Variants in PRKAR1A observed in about 807,000 individuals in gnomAD.
The protein encoded by PRKAR1A is protein kinase cAMP-dependent type I regulatory subunit alpha.
PRKAR1A carries 3 observed loss-of-function variants against 52.0 expected under a neutral mutation model. That is an observed-to-expected ratio of 0.06 (90% CI 0.03 to 0.15). PRKAR1A has a LOEUF of 0.15. Among genes scored for constraint, PRKAR1A ranks in the 10% least tolerant of loss-of-function variants. The pLI, the probability that PRKAR1A is intolerant of heterozygous loss-of-function variation, is 1.00. For missense variants in PRKAR1A, 240 were observed against 477.4 expected (o/e 0.50, Z 4.63); for synonymous variants, 188 against 168.4 (o/e 1.12, Z -0.90).
chr17:68,487,206 A>G, the PRKAR1A span, among the ~76,000 whole-genome samples: 3 of 152,326 alleles, frequency 2.0e-5, no homozygotes, highest in South Asian at 2.1e-4. Context: ...TCATGTACAC[A>G]CATTGCACAG....
chr17:68,445,808 G>A, the PRKAR1A span, among the ~76,000 whole-genome samples: 1 of 152,226 alleles, frequency 6.6e-6, no homozygotes, highest in Non-Finnish European at 1.5e-5. Context: ...CATCTGAGCA[G>A]CTGCCGACCA....
the PRKAR1A span, among the ~76,000 whole-genome samples, chr17:68,479,138 A>G: frequency 6.6e-6 from 1 of 152,212 alleles, no homozygotes; most frequent in Non-Finnish European, 1.5e-5. Flanking sequence ...TAGTTTCTAC[A>G]TTGTTCTTAT....
At chr17:68,422,658 G>A in the PRKAR1A span, 1 of 150,508 alleles carries the variant, frequency 6.6e-6, no homozygotes. Flanking sequence ...GAACCTAGGA[G>A]GTGGAGGTTG....
At chr17:68,539,307 G>A (rs766545212) in intron 11 of PRKAR1A, 3 of 1,611,962 alleles carry the variant, frequency 1.9e-6, no homozygotes, top group Non-Finnish European at 2.5e-6. Flanking sequence ...ACTGTTACTT[G>A]CCCGTATTAT....
At chr17:68,547,885 T>G (rs1199254307) in intron 11 of PRKAR1A, among the ~76,000 whole-genome samples, 1 of 152,258 alleles carries the variant, frequency 6.6e-6, no homozygotes, top group Non-Finnish European at 1.5e-5. Context: ...GCTTTTGGCT[T>G]ATTGGCTTTC....
chr17:68,540,021 C>T (rs2086218775), intron 11 of PRKAR1A: 3 of 1,514,662 alleles, frequency 2.0e-6, no homozygotes, highest in African/African-American at 1.4e-5. Flanking sequence ...GACAGGTGCT[C>T]CTGACCTGAG....
chr17:68,512,055 G>A (rs751162218), upstream of PRKAR1A: 4 of 153,548 alleles, frequency 2.6e-5, no homozygotes, highest in Non-Finnish European at 5.8e-5. Flanking sequence ...GCGGAGGGAC[G>A]AGAGGGAAGC....
At chr17:68,436,658 T>C in the PRKAR1A span, among the ~76,000 whole-genome samples, 2 of 152,166 alleles carry the variant, frequency 1.3e-5, no homozygotes, top group African/African-American at 4.8e-5. Flanking sequence ...ATAAAGCAAC[T>C]TCACAGGGGA....
chr17:68,456,417 G>C, the PRKAR1A span, among the ~76,000 whole-genome samples: 2,437 of 152,274 alleles, frequency 0.016, 22 homozygotes, highest in Non-Finnish European at 0.025. Flanking sequence ...ACTGGGAATC[G>C]GTCATCCCCG....
chr17:68,454,307 T>C, the PRKAR1A span, among the ~76,000 whole-genome samples: 1 of 152,206 alleles, frequency 6.6e-6, no homozygotes, highest in Non-Finnish European at 1.5e-5. Flanking sequence ...ATTCACTCTT[T>C]ACAGGGAAGC....
At chr17:68,537,250 G>C (rs1444008641), downstream of PRKAR1A, 12 of 691,476 alleles carry the variant, frequency 1.7e-5, no homozygotes, top group Non-Finnish European at 3.1e-5. The surrounding 1 kb of genome is among the most constrained non-coding windows in gnomAD (Gnocchi z 4.2). Context: ...GATGAAGCCA[G>C]TGCTTTTTGG....
downstream of PRKAR1A, chr17:68,537,509 G>A (rs757364783): frequency 1.9e-6 from 3 of 1,613,910 alleles, no homozygotes; most frequent in Non-Finnish European, 2.5e-6. The surrounding 1 kb of genome is among the most constrained non-coding windows in gnomAD (Gnocchi z 4.2). Context: ...CCAGAGTCTG[G>A]GGCCAACTGT....
chr17:68,456,182 A>G, the PRKAR1A span, among the ~76,000 whole-genome samples: 1 of 152,370 alleles, frequency 6.6e-6, no homozygotes, highest in South Asian at 2.1e-4. Flanking sequence ...TCACTCAAAT[A>G]ACCAAGCTGT....
At chr17:68,547,514 C>T (rs186055777) in intron 11 of PRKAR1A, among the ~76,000 whole-genome samples, 15 of 152,194 alleles carry the variant, frequency 9.9e-5, no homozygotes, top group Non-Finnish European at 2.9e-5. Context: ...TCTGGATAAC[C>T]TGCTGCAGCT....
the PRKAR1A span, chr17:68,426,241 G>GTT: frequency 9.0e-7 from 1 of 1,107,564 alleles, no homozygotes; most frequent in Non-Finnish European, 1.3e-6. Context: ...GACCTGGCGG[G>GTT]TGGGGAGCGG....
the PRKAR1A span, among the ~76,000 whole-genome samples, chr17:68,481,366 C>T: frequency 6.6e-6 from 1 of 152,166 alleles, no homozygotes; most frequent in Non-Finnish European, 1.5e-5. Context: ...AATTATACAA[C>T]TTACCATAAT....
chr17:68,521,655 A>G (rs2085613839), intron 2 of PRKAR1A, among the ~76,000 whole-genome samples: 1 of 152,264 alleles, frequency 6.6e-6, no homozygotes, highest in Admixed American at 6.5e-5. Context: ...TCTAAAAACC[A>G]TATTTTAAAA....
At chr17:68,464,667 G>A in the PRKAR1A span, among the ~76,000 whole-genome samples, 2 of 142,578 alleles carry the variant, frequency 1.4e-5, no homozygotes, top group African/African-American at 2.7e-5. Context: ...CTGCCTGGGC[G>A]ACAAAGCGAG....
At chr17:68,437,005 A>ATATATATATATATAT in the PRKAR1A span, among the ~76,000 whole-genome samples, 1 of 107,264 alleles carries the variant, frequency 9.3e-6, no homozygotes, top group East Asian at 2.2e-4. Flanking sequence ...AAAAAAAAAA[A>ATATATATATATATAT]ATATATATAT....
Sources: gnomAD v4.1 joint callset for allele counts (sites outside exome capture counted in the v4.1 genomes callset) on GRCh38, gnomAD v4.1.1 for gene constraint, Gnocchi (gnomAD v3.1) non-coding constraint, MANE v1.5 for transcripts, NCBI Gene and HGNC (gene_info 2026-07-23, HGNC 2026-07-21) for gene names.